EDIL3: variants seen among roughly 807,000 people sequenced by gnomAD.
The protein encoded by EDIL3 is EGF-like repeat and discoidin I-like domain-containing protein 3.
EDIL3 carries 37 observed loss-of-function variants against 67.4 expected under a neutral mutation model. That is an observed-to-expected ratio of 0.55 (90% CI 0.42 to 0.72). The LOEUF (loss-of-function observed/expected upper bound fraction) is 0.72. Ranked by LOEUF, EDIL3 falls within the 30% of genes least tolerant of loss-of-function variation. The pLI, the probability that EDIL3 is intolerant of heterozygous loss-of-function variation, is 0.00. For missense variants in EDIL3, 527 were observed against 586.3 expected (o/e 0.90, Z 1.04); for synonymous variants, 195 against 196.3 (o/e 0.99, Z 0.05).
chr5:84,017,665 A>G (rs1745631488), intron 9 of EDIL3, among the ~76,000 whole-genome samples: 1 of 152,200 alleles, frequency 6.6e-6, no homozygotes, highest in Admixed American at 6.6e-5. Context: ...TGTATAATGA[A>G]ACATGACTTT....
intron 3 of EDIL3, among the ~76,000 whole-genome samples, chr5:84,199,349 T>C (rs1743783150): frequency 6.6e-6 from 1 of 152,034 alleles, no homozygotes; most frequent in Non-Finnish European, 1.5e-5. Context: ...ATCAGCAAAG[T>C]GAAAACAACT....
intron 5 of EDIL3, among the ~76,000 whole-genome samples, chr5:84,128,680 A>C (rs563371175): frequency 6.6e-6 from 1 of 152,232 alleles, no homozygotes; most frequent in Admixed American, 6.6e-5. Context: ...AGAAAAATGC[A>C]ATATTTTTCA....
intron 10 of EDIL3, among the ~76,000 whole-genome samples, chr5:83,960,443 A>C (rs2112126840): frequency 6.6e-6 from 1 of 151,196 alleles, no homozygotes; most frequent in Non-Finnish European, 1.5e-5. Flanking sequence ...TATCCCAATA[A>C]CGCTGATGTG....
chr5:83,995,267 A>G (rs1159793819), intron 9 of EDIL3, among the ~76,000 whole-genome samples: 1 of 151,864 alleles, frequency 6.6e-6, no homozygotes, highest in African/African-American at 2.4e-5. Context: ...CTCCCCTAAC[A>G]CCAGGGGGTT....
chr5:84,384,877 G>T lies in EDIL3; in HGVS notation c.-503C>A. ...CTGTGTACAAACAGAGGCGGCGTGC[G>T]TGTGAGTCTGAGCCTGGCAGGCGCG... On this transcript the variant is annotated 5_prime_UTR_variant, in exon 1 of 11. Transcript: ENST00000296591. 6.6e-6 allele frequency: 1 copy of T among 152,498 alleles called. No homozygotes were observed. 9.4% of individuals were successfully genotyped at this position (152,498 alleles called of 1,614,324 possible).
intron 4 of EDIL3, among the ~76,000 whole-genome samples, chr5:84,170,909 C>T (rs1180029579): frequency 6.6e-6 from 1 of 151,986 alleles, no homozygotes; most frequent in Non-Finnish European, 1.5e-5. Context: ...ATTCTCCTGC[C>T]TCAGCCTCCA....
chr5:84,073,874 G>T (rs1746797634), intron 6 of EDIL3, among the ~76,000 whole-genome samples: 1 of 152,030 alleles, frequency 6.6e-6, no homozygotes, highest in South Asian at 2.1e-4. Context: ...AACCAAAAAA[G>T]AGCCTGCATT....
At chr5:84,244,535 C>T (rs1443627789) in intron 2 of EDIL3, among the ~76,000 whole-genome samples, 3 of 151,940 alleles carry the variant, frequency 2.0e-5, no homozygotes, top group Non-Finnish European at 2.9e-5. Context: ...GTGAACTGCC[C>T]GCCTTGGTCT....
intron 5 of EDIL3, among the ~76,000 whole-genome samples, chr5:84,123,896 A>G (rs1242752681): frequency 6.6e-6 from 1 of 151,970 alleles, no homozygotes; most frequent in Non-Finnish European, 1.5e-5. Context: ...GACCAATACT[A>G]TGCAGTTTTC....
intron 1 of EDIL3, among the ~76,000 whole-genome samples, chr5:84,372,682 A>C (rs1257183934): frequency 6.6e-6 from 1 of 152,154 alleles, no homozygotes; most frequent in Non-Finnish European, 1.5e-5. Context: ...ATTTGGATCT[A>C]TAAGACCTAG....
At chr5:84,060,602 G>A in intron 8 of EDIL3, 118 bp from the exon 9 acceptor site, 1 of 1,097,830 alleles carries the variant, frequency 9.1e-7, no homozygotes, top group Non-Finnish European at 1.3e-6. Context: ...CCTCCAAAGA[G>A]AAAACATCTA....
intron 9 of EDIL3, among the ~76,000 whole-genome samples, chr5:83,979,967 AC>A (rs1458888561): frequency 6.6e-6 from 1 of 152,084 alleles, no homozygotes; most frequent in African/African-American, 2.4e-5. Flanking sequence ...TGTAGGGCAG[AC>A]TCTGATCACT....
At chr5:83,971,827 G>T (rs1744798871) in intron 9 of EDIL3, among the ~76,000 whole-genome samples, 1 of 151,950 alleles carries the variant, frequency 6.6e-6, no homozygotes, top group Non-Finnish European at 1.5e-5. Flanking sequence ...AGACATTTAG[G>T]CAGTACAGTT....
chr5:84,383,785 C>T (rs1219185703), intron 1 of EDIL3, among the ~76,000 whole-genome samples: 1 of 152,184 alleles, frequency 6.6e-6, no homozygotes, highest in Non-Finnish European at 1.5e-5. Context: ...AAACGCCCAG[C>T]GCCGGGTCTG....
intron 8 of EDIL3, among the ~76,000 whole-genome samples, chr5:84,060,754 T>C (rs1304325422): frequency 1.3e-5 from 2 of 152,200 alleles, no homozygotes; most frequent in East Asian, 1.9e-4. Flanking sequence ...CTGTGATAGA[T>C]GATTCTGCAA....
intron 2 of EDIL3, among the ~76,000 whole-genome samples, chr5:84,247,201 A>C (rs1744925014): frequency 6.6e-6 from 1 of 152,136 alleles, no homozygotes; most frequent in Non-Finnish European, 1.5e-5. Flanking sequence ...AGTAATCTTA[A>C]GTAGAGGGGA....
chr5:83,942,922 T>C lies in EDIL3; in HGVS notation c.*497A>G, dbSNP rs1291106097. 6.3e-6 allele frequency: 1 copy of C among 157,600 alleles called. No homozygotes were observed. The highest frequency in any genetic ancestry group is 1.4e-5 in the Non-Finnish European group (1 of 70,870). The allele number at this position is 157,600 out of a possible 1,614,324, so 9.8% of individuals were successfully genotyped here. A position where few individuals can be genotyped will look rare whatever the true frequency, so the allele number is the denominator to read the frequency against. ...CATATTCTTCTTTAAAATTTTGTAA[T>C]AAACATTGACAGTGTTTGGTAGGCA... On this transcript the variant is annotated 3_prime_UTR_variant, in exon 11 of 11. Transcript: ENST00000296591.
At chr5:84,363,369 G>A (rs1747654484) in intron 1 of EDIL3, among the ~76,000 whole-genome samples, 1 of 150,848 alleles carries the variant, frequency 6.6e-6, no homozygotes, top group Non-Finnish European at 1.5e-5. Context: ...AGAATCGCTT[G>A]AACTCGGGAA....
chr5:84,278,558 C>T (rs1175159779), intron 1 of EDIL3, among the ~76,000 whole-genome samples: 4 of 152,100 alleles, frequency 2.6e-5, no homozygotes, highest in African/African-American at 7.2e-5. Context: ...AATATTATAT[C>T]AGGTATAGAA....
Sources: allele counts gnomAD v4.1 joint callset (sites outside exome capture counted in the v4.1 genomes callset), GRCh38; gene constraint gnomAD v4.1.1; transcripts MANE v1.5; gene names NCBI Gene and HGNC (gene_info 2026-07-23, HGNC 2026-07-21).